MB21D2: variants seen among roughly 807,000 people sequenced by gnomAD.
MB21D2 encodes the protein Mab-21 domain containing 2.
Under a neutral mutation model 33.3 loss-of-function variants are expected in MB21D2, and 9 were observed. The observed-to-expected ratio is 0.27, with a 90% CI of 0.16 to 0.47. The LOEUF (loss-of-function observed/expected upper bound fraction) is 0.47. MB21D2 is among the 20% of genes least tolerant of loss of function. MB21D2 has a pLI of 0.99. For synonymous variants in MB21D2, 241 were observed against 236.3 expected (o/e 1.02, Z -0.18); for missense variants, 540 against 624.6 (o/e 0.86, Z 1.44).
At chr3:192,822,523 A>G (rs1453020177) in intron 1 of MB21D2, among the ~76,000 whole-genome samples, 1 of 152,192 alleles carries the variant, frequency 6.6e-6, no homozygotes, top group Non-Finnish European at 1.5e-5. Flanking sequence ...TGTAAAGAAT[A>G]AGGTCCACCA....
At chr3:192,905,217 C>A (rs1471361979) in intron 1 of MB21D2, among the ~76,000 whole-genome samples, 3 of 152,154 alleles carry the variant, frequency 2.0e-5, no homozygotes, top group Admixed American at 1.3e-4. Flanking sequence ...TTTCTCCAGG[C>A]CAGAAATCAT....
chr3:192,898,118 A>G (rs1448838066), intron 1 of MB21D2, among the ~76,000 whole-genome samples: 1 of 152,064 alleles, frequency 6.6e-6, no homozygotes, highest in Non-Finnish European at 1.5e-5. Context: ...GATAAAATTT[A>G]AAGTAATTTG....
chr3:192,908,438 G>A (rs531930472), intron 1 of MB21D2, among the ~76,000 whole-genome samples: 17 of 145,274 alleles, frequency 1.2e-4, no homozygotes, highest in African/African-American at 3.1e-4. Context: ...TCCCTCTGTC[G>A]CCCAGGCTGG....
rs115054351 is a variant in MB21D2 at position 192,884,781 on chromosome 3, G to A, written c.211+32849C>T. On this transcript the variant is annotated intron_variant, in intron 1 of 1. Transcript: ENST00000392452. ...ATGTGTACAACTGTCCCCTTTCCACGCCTGCCTTCCTCATGACACCCACCA... is the reference window on the plus strand; with the variant it reads ...ATGTGTACAACTGTCCCCTTTCCACACCTGCCTTCCTCATGACACCCACCA... Among the ~76,000 whole-genome samples the A allele has an allele frequency of 2.4e-3, 363 of 151,996 alleles. 3 individuals carry two copies. The highest frequency in any genetic ancestry group is 8.3e-3 in the African/African-American group (343 of 41,376).
chr3:192,833,308 G>A (rs1371110114), intron 1 of MB21D2, among the ~76,000 whole-genome samples: 1 of 152,164 alleles, frequency 6.6e-6, no homozygotes, highest in East Asian at 1.9e-4. Context: ...AATAATTTTA[G>A]CGCAGCTCCT....
At chr3:192,904,240 G>T (rs1714160652) in intron 1 of MB21D2, among the ~76,000 whole-genome samples, 1 of 152,132 alleles carries the variant, frequency 6.6e-6, no homozygotes, top group Non-Finnish European at 1.5e-5. Context: ...CAGGACACCG[G>T]GTTCTAGTCA....
intron 1 of MB21D2, among the ~76,000 whole-genome samples, chr3:192,872,789 C>G (rs1466629364): frequency 6.6e-6 from 1 of 152,048 alleles, no homozygotes; most frequent in Non-Finnish European, 1.5e-5. Flanking sequence ...ATTAATAACT[C>G]AAAAGCAGTG....
At chr3:192,876,168 C>T (rs560193376) in intron 1 of MB21D2, among the ~76,000 whole-genome samples, 108 of 152,308 alleles carry the variant, frequency 7.1e-4, no homozygotes, top group African/African-American at 2.5e-3. Flanking sequence ...GATGCTCCCC[C>T]AGGCACTGCC....
At chr3:192,840,559 C>T (rs1174445961) in intron 1 of MB21D2, among the ~76,000 whole-genome samples, 5 of 151,014 alleles carry the variant, frequency 3.3e-5, no homozygotes, top group African/African-American at 9.7e-5. Flanking sequence ...AGAGACTGTT[C>T]GCAAGAGCAT....
chr3:192,837,978 C>T (rs111796041), intron 1 of MB21D2, among the ~76,000 whole-genome samples: 3 of 152,342 alleles, frequency 2.0e-5, no homozygotes, highest in African/African-American at 7.2e-5. Context: ...AAAATAAACA[C>T]TTCCTATCTT....
intron 1 of MB21D2, among the ~76,000 whole-genome samples, chr3:192,915,962 CTA>C: frequency 6.6e-6 from 1 of 152,248 alleles, no homozygotes; most frequent in Admixed American, 6.5e-5. Context: ...CAGAGAAAGG[CTA>C]TGATTAACTA....
chr3:192,850,732 A>T (rs1260611954), intron 1 of MB21D2, among the ~76,000 whole-genome samples: 1 of 152,206 alleles, frequency 6.6e-6, no homozygotes, highest in African/African-American at 2.4e-5. Flanking sequence ...GATGCCTCAA[A>T]TCCACTGCGC....
intron 1 of MB21D2, among the ~76,000 whole-genome samples, chr3:192,900,516 T>C (rs1467644778): frequency 6.6e-6 from 1 of 152,074 alleles, no homozygotes; most frequent in Non-Finnish European, 1.5e-5. Flanking sequence ...ATGTTCTGGT[T>C]TGGCTGGTTT....
chr3:192,905,421 GAGGTC>G (rs1405169606), intron 1 of MB21D2, among the ~76,000 whole-genome samples: 2 of 151,874 alleles, frequency 1.3e-5, no homozygotes, highest in African/African-American at 4.8e-5. Flanking sequence ...GGCGGATCAC[GAGGTC>G]AGGAGTTCGA....
chr3:192,890,611 T>C (rs1365324165), intron 1 of MB21D2, among the ~76,000 whole-genome samples: 1 of 151,522 alleles, frequency 6.6e-6, no homozygotes, highest in Non-Finnish European at 1.5e-5. Flanking sequence ...ATCCTACCTA[T>C]AAAGTTCACA....
At chr3:192,845,575 G>A (rs534271231) in intron 1 of MB21D2, among the ~76,000 whole-genome samples, 5 of 152,252 alleles carry the variant, frequency 3.3e-5, no homozygotes, top group East Asian at 3.9e-4. Flanking sequence ...CATAATTCTC[G>A]CCTCAGCTCT....
intron 1 of MB21D2, among the ~76,000 whole-genome samples, chr3:192,872,173 T>C (rs1713319021): frequency 1.3e-5 from 2 of 152,204 alleles, no homozygotes; most frequent in Admixed American, 1.3e-4. Flanking sequence ...AAAAAGGATT[T>C]GAGGTCGTTT....
chr3:192,859,090 C>T (rs1354718550), intron 1 of MB21D2, among the ~76,000 whole-genome samples: 1 of 152,086 alleles, frequency 6.6e-6, no homozygotes, highest in Non-Finnish European at 1.5e-5. Flanking sequence ...CCATGCTGGC[C>T]GGCTCCAACA....
At chr3:192,844,140 C>T (rs1171440538) in intron 1 of MB21D2, among the ~76,000 whole-genome samples, 3 of 152,198 alleles carry the variant, frequency 2.0e-5, no homozygotes, top group East Asian at 1.9e-4. Flanking sequence ...CCCCGGGTGC[C>T]GCAGCCTCGC....
Sources: gnomAD v4.1 joint callset for allele counts (sites outside exome capture counted in the v4.1 genomes callset) on GRCh38, gnomAD v4.1.1 for gene constraint, MANE v1.5 for transcripts, NCBI Gene and HGNC (gene_info 2026-07-23, HGNC 2026-07-21) for gene names.